Variants in TMEM59 observed in about 807,000 individuals in gnomAD.
The protein encoded by TMEM59 is transmembrane protein 59.
Under a neutral mutation model 42.2 loss-of-function variants are expected in TMEM59, and 44 were observed. The ratio of observed to expected loss-of-function variants is 1.04; its 90% CI spans 0.82 to 1.34. The LOEUF is 1.34. TMEM59 is among the 40% of genes most tolerant of loss of function. The probability of loss-of-function intolerance (pLI) is 0.00; values close to 1 mark genes in which losing one functional copy is unlikely to be tolerated. For synonymous variants in TMEM59, 148 were observed against 145.8 expected (o/e 1.02, Z -0.11); for missense variants, 359 against 382.8 (o/e 0.94, Z 0.52).
intron 4 of TMEM59, 84 bp downstream of exon 4, chr1:54,043,289 T>C (rs1363513719): frequency 3.4e-6 from 4 of 1,170,214 alleles, no homozygotes; most frequent in African/African-American, 1.6e-5. Flanking sequence ...TGACTGAGTA[T>C]GGTTCTATGC....
chr1:54,044,890 T>G (rs1050633932), intron 3 of TMEM59: 3 of 152,214 alleles, frequency 2.0e-5, no homozygotes, highest in African/African-American at 4.8e-5. Context: ...AATATATGTG[T>G]ACATCCTTGT....
At chr1:54,047,501 GA>G in intron 1 of TMEM59, 129 bp from the exon 2 acceptor site, 2 of 712,198 alleles carry the variant, frequency 2.8e-6, no homozygotes, top group East Asian at 2.9e-5. Flanking sequence ...ATAACTGAAA[GA>G]AAAAAATGAT....
At chr1:54,047,997 C>A (rs890764878) in intron 1 of TMEM59, 1 of 152,436 alleles carries the variant, frequency 6.6e-6, no homozygotes, top group Non-Finnish European at 1.5e-5. Flanking sequence ...AAAAACACAA[C>A]GGTGATATAA....
rs1657113566 is a variant in TMEM59 at position 54,040,834 on chromosome 1, A to C, written c.629T>G (p.Leu210Arg). ...GTGCGCTTGTGAATTTCTCATTTGC[A>C]GATCTGCTGAAATAGTAAGTATGAG... Reference protein sequence around the residue: ...RESSLSKMSYLQMRNSQAHRN... With the variant: ...RESSLSKMSYRQMRNSQAHRN... Residue 210 changes from leucine to arginine, a missense_variant, in exon 6 of 8, where the codon CTG (leucine) becomes CGG (arginine). By Grantham distance (102) the Leu-to-Arg change is moderately radical. Transcript: ENST00000234831. 1.2e-6 allele frequency: 2 copies of C among 1,613,376 alleles called. No homozygotes were observed. The highest frequency in any genetic ancestry group is 1.7e-6 in the Non-Finnish European group (2 of 1,179,520).
In TMEM59 at chr1:54,042,812, T is replaced by C. The variant is rs148740561; in HGVS notation, c.543+561A>G. On this transcript the variant is annotated intron_variant, in intron 4 of 7. Coordinates refer to ENST00000234831, the MANE Select transcript of TMEM59 (RefSeq NM_004872.5). ...CACCTTCCTCATAATAAAACAGGAA[T>C]AATACAACCTCATAAAGTTGTTTGA... is the stretch of plus-strand genomic sequence containing the variant. Among the ~76,000 whole-genome samples, 52 of 152,298 alleles carry C rather than the reference T, an allele frequency of 3.4e-4. No individual in the cohort carries two copies. In the East Asian group the frequency reaches 9.1e-3, roughly 27 times the overall value.
chr1:54,049,225 T>C (rs1374116326), intron 1 of TMEM59, among the ~76,000 whole-genome samples: 1 of 152,206 alleles, frequency 6.6e-6, no homozygotes, highest in Non-Finnish European at 1.5e-5. Flanking sequence ...TTAATCTAAT[T>C]CCTCAGTTGT....
rs1290596960 is a variant in TMEM59, at chr1:54,028,585, C to T, written c.*3565G>A. 1 of 152,276 alleles carries T rather than the reference C, an allele frequency of 6.6e-6. No homozygotes were observed. The highest frequency in any genetic ancestry group is 1.5e-5 in the Non-Finnish European group (1 of 68,100). The allele number at this position is 152,276 out of a possible 1,614,324, so 9.4% of individuals were successfully genotyped here. A position where few individuals can be genotyped will look rare whatever the true frequency, so the allele number is the denominator to read the frequency against. On this transcript the variant is annotated 3_prime_UTR_variant, in exon 8 of 8. Coordinates refer to ENST00000234831, the MANE Select transcript of TMEM59 (RefSeq NM_004872.5). Reference sequence around the variant, plus strand: ...TCAACAATCTGCAGTGCCTCACCCTCTGGCCTCTAGGTCTTTGAGCACAGT... The same window carrying T: ...TCAACAATCTGCAGTGCCTCACCCTTTGGCCTCTAGGTCTTTGAGCACAGT...
chr1:54,028,642 T>C lies in TMEM59; in HGVS notation c.*3508A>G, dbSNP rs985336248. The C allele has an allele frequency of 6.6e-6, 1 of 152,326 alleles. No homozygotes were observed. The highest frequency in any genetic ancestry group is 1.5e-5 in the Non-Finnish European group (1 of 68,128). The allele number at this position is 152,326 out of a possible 1,614,324, so 9.4% of individuals were successfully genotyped here. On this transcript the variant is annotated 3_prime_UTR_variant, in exon 8 of 8. Coordinates refer to ENST00000234831, the MANE Select transcript of TMEM59 (RefSeq NM_004872.5). ...ACTGTCTGGTACACTGCTCTCTATATTGTGTTTGGCGTTCCCTTTTTCTCC... is the reference window on the plus strand; with the variant it reads ...ACTGTCTGGTACACTGCTCTCTATACTGTGTTTGGCGTTCCCTTTTTCTCC...
In TMEM59 at chr1:54,047,303, T is replaced by C; in HGVS notation, c.259A>G (p.Ile87Val). The C allele has an allele frequency of 6.2e-7, 1 of 1,614,020 alleles. No homozygotes were observed. The highest frequency in any genetic ancestry group is 8.5e-7 in the Non-Finnish European group (1 of 1,179,944). The change falls in exon 2 of 8, where the codon ATT becomes GTT. Residue 87 changes from isoleucine (I) to valine (V), a missense_variant. Transcript: ENST00000234831. Reference sequence around the variant, plus strand: ...TCCAATTTAGTTCGATTTAAGTCAATTCCATCATCCACAAACTGACAAATT... The same window carrying C: ...TCCAATTTAGTTCGATTTAAGTCAACTCCATCATCCACAAACTGACAAATT... ...FSICQFVDDG[I>V]DLNRTKLECE...
rs945279342 is a variant in TMEM59, at chr1:54,026,882, C to T, written c.*5268G>A. 2.6e-5 allele frequency: 4 copies of T among 152,132 alleles called. No homozygotes were observed. The highest frequency in any genetic ancestry group is 4.8e-5 in the African/African-American group (2 of 41,424). The allele number at this position is 152,132 out of a possible 1,614,324, so 9.4% of individuals were successfully genotyped here. A position where few individuals can be genotyped will look rare whatever the true frequency, so the allele number is the denominator to read the frequency against. On this transcript the variant is annotated 3_prime_UTR_variant, in exon 8 of 8. Coordinates refer to ENST00000234831, the MANE Select transcript of TMEM59 (RefSeq NM_004872.5). ...AAGTCTTCAATTATTACTGTTCTAA[C>T]ACTGCAAAAACCATTCAAGCATAAA...
At chr1:54,048,539 A>G (rs1657420402) in intron 1 of TMEM59, 3 of 262,802 alleles carry the variant, frequency 1.1e-5, no homozygotes, top group Admixed American at 1.0e-4. Context: ...GTTCTTCATT[A>G]CTGTAAAATA....
rs1656629580 is a variant in TMEM59, at chr1:54,027,273, G to A, written c.*4877C>T. On this transcript the variant is annotated 3_prime_UTR_variant, in exon 8 of 8. Transcript: ENST00000234831. ...TATTTTGTGTTAACAGAATATGTAT[G>A]TTACTGGATCATAAAACTTTGAAAA... 1 of 152,198 alleles carries A rather than the reference G, an allele frequency of 6.6e-6. No individual in the cohort carries two copies. The highest frequency in any genetic ancestry group is 2.4e-5 in the African/African-American group (1 of 41,448). 9.4% of individuals were successfully genotyped at this position (152,198 alleles called of 1,614,324 possible). A position where few individuals can be genotyped will look rare whatever the true frequency, so the allele number is the denominator to read the frequency against.
intron 6 of TMEM59, among the ~76,000 whole-genome samples, chr1:54,039,242 A>T (rs1360393474): frequency 1.3e-5 from 2 of 152,206 alleles, no homozygotes; most frequent in Non-Finnish European, 2.9e-5. Flanking sequence ...ATACATTATA[A>T]AGTTAGTTGC....
At position 54,031,313 on chromosome 1, in the gene TMEM59, T is replaced by C. The variant is rs958040580; in HGVS notation, c.*837A>G. ...CATTCTAATATTAAGCTCTGTATTATTGCAGGTAAAAATAAAACGAGTTTT... is the reference window on the plus strand; with the variant it reads ...CATTCTAATATTAAGCTCTGTATTACTGCAGGTAAAAATAAAACGAGTTTT... On this transcript the variant is annotated 3_prime_UTR_variant, in exon 8 of 8. Coordinates refer to ENST00000234831, the MANE Select transcript of TMEM59 (RefSeq NM_004872.5). 1.3e-5 allele frequency: 2 copies of C among 152,228 alleles called. No individual in the cohort carries two copies. Among genetic ancestry groups the C allele is most frequent in the African/African-American group, 2.4e-5 (1 of 41,454 alleles). The allele number at this position is 152,228 out of a possible 1,614,324, so 9.4% of individuals were successfully genotyped here.
rs972257505 is a variant in TMEM59 at position 54,030,233 on chromosome 1, G to A, written c.*1917C>T. The A allele has an allele frequency of 6.6e-6, 1 of 151,682 alleles. No homozygotes were observed. The highest frequency in any genetic ancestry group is 1.5e-5 in the Non-Finnish European group (1 of 67,936). 9.4% of individuals were successfully genotyped at this position (151,682 alleles called of 1,614,324 possible). A position where few individuals can be genotyped will look rare whatever the true frequency, so the allele number is the denominator to read the frequency against. On this transcript the variant is annotated 3_prime_UTR_variant, in exon 8 of 8. Coordinates refer to ENST00000234831, the MANE Select transcript of TMEM59 (RefSeq NM_004872.5). ...AGTGATCTAGATAATTCTTTGTTTT[G>A]TTTTTATAAGGGAGGGTCTTTTCTA...
intron 6 of TMEM59, among the ~76,000 whole-genome samples, chr1:54,039,707 C>G (rs1332626369): frequency 6.6e-6 from 1 of 152,186 alleles, no homozygotes; most frequent in African/African-American, 2.4e-5. Flanking sequence ...AATGAACACA[C>G]TATAAAGCAG....
rs1428447569 is a variant in TMEM59 at position 54,031,472 on chromosome 1, C to T, written c.*678G>A. ...ACAGAGAAAAATAGTTCTTTGGAAA[C>T]ACTCATCAAACAAAAACCTATAGCC... is the stretch of plus-strand genomic sequence containing the variant. On this transcript the variant is annotated 3_prime_UTR_variant, in exon 8 of 8. Transcript: ENST00000234831. 2.0e-5 allele frequency: 3 copies of T among 152,336 alleles called. No homozygotes were observed. The highest frequency in any genetic ancestry group is 4.4e-5 in the Non-Finnish European group (3 of 68,026). The allele number at this position is 152,336 out of a possible 1,614,324, so 9.4% of individuals were successfully genotyped here.
intron 2 of TMEM59, 113 bp from the exon 3 acceptor site, chr1:54,045,899 T>C (rs1657316917): frequency 4.5e-6 from 4 of 887,570 alleles, no homozygotes; most frequent in Non-Finnish European, 6.6e-6. Flanking sequence ...GTTTCATCAA[T>C]GTGAATTTCC....
At chr1:54,044,394 T>A (rs1489373852) in intron 3 of TMEM59, 4 of 149,046 alleles carry the variant, frequency 2.7e-5, no homozygotes, top group Non-Finnish European at 5.9e-5. Flanking sequence ...TTTCCTCCAA[T>A]TCTGATTTCT....
Sources: allele counts gnomAD v4.1 joint callset (sites outside exome capture counted in the v4.1 genomes callset), GRCh38; gene constraint gnomAD v4.1.1; transcripts MANE v1.5; gene names NCBI Gene and HGNC (gene_info 2026-07-23, HGNC 2026-07-21).